DDX27: variants seen among roughly 807,000 people sequenced by gnomAD.
DDX27 encodes the protein probable ATP-dependent RNA helicase DDX27.
In DDX27, 42 loss-of-function variants were observed where a neutral mutation model predicts 99.3. The observed-to-expected ratio is 0.42, with a 90% CI of 0.33 to 0.55. DDX27 has a LOEUF of 0.55. Among genes scored for constraint, DDX27 ranks in the 20% least tolerant of loss-of-function variants. The pLI is 0.07. For synonymous variants in DDX27, 329 were observed against 353.8 expected, an observed-to-expected ratio of 0.93 and a Z score of 0.79; for missense variants, 798 against 976.8, an observed-to-expected ratio of 0.82 and a Z score of 2.44.
chr20:49,223,982 G>A (rs1170806730), intron 4 of DDX27, among the ~76,000 whole-genome samples: 1 of 152,036 alleles, frequency 6.6e-6, no homozygotes, highest in Non-Finnish European at 1.5e-5. Flanking sequence ...TGGCTTAAGT[G>A]ATCCTCCTGC....
In DDX27 at chr20:49,228,763, A is replaced by C. The variant is rs372058226; in HGVS notation, c.755A>C (p.Lys252Thr). 6.2e-7 allele frequency: 1 copy of C among 1,612,512 alleles called. No individual in the cohort carries two copies. The highest frequency in any genetic ancestry group is 1.3e-5 in the African/African-American group (1 of 74,780). ...CCTGTTTTGGAGCGTCTGATTTATAAACCCCGCCAGGCTCCAGTCACCCGC... is the reference window on the plus strand; with the variant it reads ...CCTGTTTTGGAGCGTCTGATTTATACACCCCGCCAGGCTCCAGTCACCCGC... ...ALPVLERLIY[K>T]PRQAPVTRVL... The change falls in exon 8 of 21, where the codon AAA becomes ACA. Residue 252 changes from lysine (K) to threonine (T), a missense_variant. Transcript: ENST00000618172.
chr20:49,223,153 T>C, intron 3 of DDX27, 115 bp from the exon 4 acceptor site: 1 of 1,368,626 alleles, frequency 7.3e-7, no homozygotes, highest in Admixed American at 2.2e-5. Flanking sequence ...TTGCTGTGAA[T>C]CTGTACTGAG....
At position 49,233,354 on chromosome 20, in the gene DDX27, G is replaced by A. The variant is rs1244499711; in HGVS notation, c.1080G>A (p.Met360Ile). The change falls in exon 10 of 21, where the codon ATG becomes ATA. Residue 360 changes from methionine (M) to isoleucine (I), a missense_variant. Physicochemically the swap from Met to Ile is conservative, Grantham distance 10 (BLOSUM62 1). Transcript: ENST00000618172. ...FEEQMKEIIRMCSHHRQTMLF... is the reference protein window; with the variant it reads ...FEEQMKEIIRICSHHRQTMLF... ...AGCAGATGAAGGAGATCATCCGAAT[G>A]TGTTCCCACCACCGCCAGACCATGC... is the stretch of plus-strand genomic sequence containing the variant. 5 of 1,613,970 alleles carry A rather than the reference G, an allele frequency of 3.1e-6. No individual in the cohort carries two copies. The highest frequency in any genetic ancestry group is 4.2e-6 in the Non-Finnish European group (5 of 1,180,042).
chr20:49,223,445 G>A lies in DDX27; in HGVS notation c.466+12G>A, dbSNP rs1450306213. 8.7e-6 allele frequency: 14 copies of A among 1,600,844 alleles called. No individual in the cohort carries two copies. Among genetic ancestry groups the A allele is most frequent in the African/African-American group, 1.3e-5 (1 of 74,250 alleles). ...CCTCACCAAAGCAGGTAGACGTTAC[G>A]GCGGAGGTGTCAGTAATGGGGACAG... On this transcript the variant is annotated intron_variant, in intron 4 of 20. Transcript: ENST00000618172.
At chr20:49,228,445 G>T (rs983048053) in intron 7 of DDX27, among the ~76,000 whole-genome samples, 4 of 150,930 alleles carry the variant, frequency 2.7e-5, no homozygotes, top group African/African-American at 9.8e-5. Context: ...TAAGTTTTTT[G>T]TATTTTTAGT....
At chr20:49,233,884 C>T in intron 11 of DDX27, 175 bp downstream of exon 11, 1 of 677,654 alleles carries the variant, frequency 1.5e-6, no homozygotes, top group Non-Finnish European at 2.4e-6. Context: ...GGTCCTTCCT[C>T]CCTTTGCTTT....
rs1979769120 is a variant in DDX27, at chr20:49,223,525, A to G, written c.466+92A>G. The G allele has an allele frequency of 9.6e-6, 12 of 1,247,194 alleles. No homozygotes were observed. In the South Asian group the frequency reaches 1.6e-4, roughly 16 times the overall value. 77.3% of individuals were successfully genotyped at this position (1,247,194 alleles called of 1,614,324 possible). ...TAGGGTTTCCTCCACTCTTCTGCAC[A>G]GTTTATCTTTAAGCTGTTCTGCCTA... On this transcript the variant is annotated intron_variant, in intron 4 of 20. Coordinates refer to ENST00000618172, the MANE Select transcript of DDX27 (RefSeq NM_017895.8).
rs774684843 is a variant in DDX27 at position 49,239,256 on chromosome 20, C to T, written c.1815C>T (p.Leu605=). Residue 605 remains leucine (L), a synonymous_variant, in exon 16 of 21, where the codon CTC becomes CTT. Coordinates refer to ENST00000618172, the MANE Select transcript of DDX27 (RefSeq NM_017895.8). Reference sequence around the variant, plus strand: ...TACAGATCAATACAGCAAAGCGGCTCCTGGAGAAGGGGAAGGAGGCAGTGG... The same window carrying T: ...TACAGATCAATACAGCAAAGCGGCTTCTGGAGAAGGGGAAGGAGGCAGTGG... ...SEAQINTAKR[L]LEKGKEAVVQ... is the part of the protein sequence containing the mutation. 3 of 1,614,036 alleles carry T rather than the reference C, an allele frequency of 1.9e-6. No individual in the cohort carries two copies. Among genetic ancestry groups the T allele is most frequent in the Non-Finnish European group, 1.7e-6 (2 of 1,180,022 alleles).
Position 49,238,996 on chromosome 20 carries a change from G to A in DDX27, c.1735G>A (p.Val579Met), listed in dbSNP as rs1284883325. ...CAAGATTGAGAAAATGGAGAAAGAT[G>A]TGTATGCAGTTCTGCAGCTAGAGGC... is the stretch of plus-strand genomic sequence containing the variant. ...RDKIEKMEKD[V>M]YAVLQLEAEE... The change falls in exon 15 of 21, where the codon GTG (valine) becomes ATG (methionine). Residue 579 changes from valine to methionine, a missense_variant. Transcript: ENST00000618172. The A allele has an allele frequency of 6.2e-7, 1 of 1,614,176 alleles. No individual in the cohort carries two copies. The highest frequency in any genetic ancestry group is 1.1e-5 in the South Asian group (1 of 91,080).
rs761573110 is a variant in DDX27, at chr20:49,228,789, G to T, written c.781G>T (p.Val261Leu). The part of the protein sequence containing the change: ...YKPRQAPVTR[V>L]LVLVPTRELG... The stretch of plus-strand genomic sequence containing the variant: ...ACCCCGCCAGGCTCCAGTCACCCGC[G>T]TGCTGGTGCTAGTGCCCACCCGAGA... The change falls in exon 8 of 21, where the codon GTG becomes TTG. Residue 261 changes from valine (V) to leucine (L), a missense_variant. Val to Leu is a conservative substitution (Grantham distance 32, BLOSUM62 1). Around this residue, in one of 2 missense-constraint regions of DDX27, gnomAD observed 553 missense variants for 727.9 expected, o/e 0.76. Coordinates refer to ENST00000618172, the MANE Select transcript of DDX27 (RefSeq NM_017895.8). 2.5e-6 allele frequency: 4 copies of T among 1,613,308 alleles called. No homozygotes were observed. In the African/African-American group the frequency reaches 4.0e-5, roughly 16 times the overall value.
At position 49,236,624 on chromosome 20, in the gene DDX27, C is replaced by T; in HGVS notation, c.1687+114C>T. 9.4e-7 allele frequency: 1 copy of T among 1,066,764 alleles called. No individual in the cohort carries two copies. The highest frequency in any genetic ancestry group is 1.3e-6 in the Non-Finnish European group (1 of 796,196). 66.1% of individuals were successfully genotyped at this position (1,066,764 alleles called of 1,614,324 possible). A position where few individuals can be genotyped will look rare whatever the true frequency, so the allele number is the denominator to read the frequency against. On this transcript the variant is annotated intron_variant, in intron 14 of 20. Coordinates refer to ENST00000618172, the MANE Select transcript of DDX27 (RefSeq NM_017895.8). The surrounding 1 kb of genome is among the most constrained non-coding windows in gnomAD (Gnocchi z 4.1). ...TCAGAGCCAGATTTGAATTCCAGCC[C>T]TGCTGCTTCCTTGCCGAGTGACCAT...
At chr20:49,228,954 C>T in intron 8 of DDX27, 66 bp downstream of exon 8, 2 of 1,433,402 alleles carry the variant, frequency 1.4e-6, no homozygotes, top group South Asian at 1.4e-5. Flanking sequence ...TGGATGTGCC[C>T]CGCCATCTGT....
chr20:49,242,345 A>G, intron 18 of DDX27, 139 bp downstream of exon 18: 1 of 1,405,262 alleles, frequency 7.1e-7, no homozygotes, highest in Non-Finnish European at 9.5e-7. Flanking sequence ...GTGTACAGCT[A>G]TCCCTCCACG....
Position 49,223,465 on chromosome 20 carries a change from G to T in DDX27, c.466+32G>T, listed in dbSNP as rs1022982275. 9 of 1,581,832 alleles carry T rather than the reference G, an allele frequency of 5.7e-6. No homozygotes were observed. The African/African-American group carries it at 1.1e-4, about 19-fold the overall frequency. On this transcript the variant is annotated intron_variant, in intron 4 of 20. Transcript: ENST00000618172. ...GTTACGGCGGAGGTGTCAGTAATGG[G>T]GACAGGAGATCAGAAGGCATCCTCC...
rs890384313 is a variant in DDX27 at position 49,234,766 on chromosome 20, C to T, written c.1274-169C>T. 7.2e-6 allele frequency: 5 copies of T among 696,984 alleles called. No homozygotes were observed. In the African/African-American group the frequency reaches 7.3e-5, roughly 10 times the overall value. 43.2% of individuals were successfully genotyped at this position (696,984 alleles called of 1,614,324 possible). ...CTCTCTCACAGCATTTTTCACCCCC[C>T]AGGAATTGGCTTCTCTGTATCCACC... On this transcript the variant is annotated intron_variant, in intron 11 of 20. Coordinates refer to ENST00000618172, the MANE Select transcript of DDX27 (RefSeq NM_017895.8).
At chr20:49,238,610 G>A (rs1980377655) in intron 14 of DDX27, 1 of 262,166 alleles carries the variant, frequency 3.8e-6, no homozygotes, top group South Asian at 4.7e-5. Context: ...TGGGATTACA[G>A]GCGTGTGCCC....
In DDX27 at chr20:49,241,880, C is replaced by T; in HGVS notation, c.1898-13C>T. The T allele has an allele frequency of 6.2e-7, 1 of 1,613,224 alleles. No individual in the cohort carries two copies. The highest frequency in any genetic ancestry group is 1.7e-5 in the Admixed American group (1 of 60,012). On this transcript the variant is annotated splice_polypyrimidine_tract_variant and intron_variant, in intron 16 of 20. Coordinates refer to ENST00000618172, the MANE Select transcript of DDX27 (RefSeq NM_017895.8). ...AATCATCCCTGAAATCTTATGCTTT[C>T]TTCTCATCCCAGTTGCCAAAGCTCT... is the stretch of plus-strand genomic sequence containing the variant.
chr20:49,220,725 C>G (rs1409732209), intron 1 of DDX27, among the ~76,000 whole-genome samples: 1 of 152,232 alleles, frequency 6.6e-6, no homozygotes, highest in Non-Finnish European at 1.5e-5. Context: ...GGCCCCTGTA[C>G]AGTGCCCGGT....
chr20:49,219,683 T>G, intron 1 of DDX27, 142 bp downstream of exon 1: 2 of 839,694 alleles, frequency 2.4e-6, no homozygotes, highest in Non-Finnish European at 3.5e-6. Context: ...CCCCAAGATC[T>G]TCCTCAGTTT....
Sources: allele counts gnomAD v4.1 joint callset (sites outside exome capture counted in the v4.1 genomes callset), GRCh38; gene constraint gnomAD v4.1.1; regional missense constraint gnomAD v4.1.1; non-coding constraint Gnocchi (gnomAD v3.1); transcripts MANE v1.5; gene names NCBI Gene and HGNC (gene_info 2026-07-23, HGNC 2026-07-21).